Variants in KDM4C observed in about 807,000 individuals in gnomAD.
The protein encoded by KDM4C is lysine demethylase 4C, also known as lysine-specific demethylase 4C.
KDM4C carries 81 observed loss-of-function variants against 129.3 expected under a neutral mutation model. The ratio of observed to expected loss-of-function variants is 0.63; its 90% CI spans 0.52 to 0.75. The LOEUF (loss-of-function observed/expected upper bound fraction) is 0.75. Among genes scored for constraint, KDM4C ranks in the 30% least tolerant of loss-of-function variants. The pLI, the probability that KDM4C is intolerant of heterozygous loss-of-function variation, is 0.00. For synonymous variants in KDM4C, 573 were observed against 456.1 expected, an observed-to-expected ratio of 1.26 and a Z score of -3.26; for missense variants, 1,457 against 1,304.0, an observed-to-expected ratio of 1.12 and a Z score of -1.81.
intron 8 of KDM4C, among the ~76,000 whole-genome samples, chr9:6,979,862 T>C (rs188061401): frequency 1.1e-4 from 16 of 152,238 alleles, no homozygotes; most frequent in Admixed American, 9.8e-4. Flanking sequence ...ACTATGTATG[T>C]AGGAGAATAG....
chr9:7,141,867 T>C (rs1214541277), intron 19 of KDM4C, among the ~76,000 whole-genome samples: 1 of 152,154 alleles, frequency 6.6e-6, no homozygotes, highest in Non-Finnish European at 1.5e-5. Context: ...TGCCTCAATG[T>C]GAGAAGAGAC....
At chr9:7,022,224 A>G (rs576363076) in intron 15 of KDM4C, among the ~76,000 whole-genome samples, 2 of 152,194 alleles carry the variant, frequency 1.3e-5, no homozygotes, top group Non-Finnish European at 2.9e-5. Context: ...ATTGCATTGA[A>G]TCTTTAGATA....
At chr9:6,801,122 G>T (rs1316666821) in intron 2 of KDM4C, among the ~76,000 whole-genome samples, 1 of 151,608 alleles carries the variant, frequency 6.6e-6, no homozygotes, top group Non-Finnish European at 1.5e-5. Flanking sequence ...TTCTTTATCT[G>T]ATGACGCTTG....
chr9:6,899,200 A>T (rs1017967136), intron 8 of KDM4C, among the ~76,000 whole-genome samples: 4 of 152,052 alleles, frequency 2.6e-5, no homozygotes, highest in African/African-American at 7.3e-5. Flanking sequence ...GTTCACAGCA[A>T]AATTCAGAGG....
intron 4 of KDM4C, among the ~76,000 whole-genome samples, chr9:6,843,246 GA>G (rs142902996): frequency 1.5e-3 from 226 of 152,346 alleles, no homozygotes; most frequent in African/African-American, 5.2e-3. Context: ...ATGCTGTTTG[GA>G]ACAGGATGCT....
chr9:6,891,869 A>C (rs1159436538), intron 7 of KDM4C, among the ~76,000 whole-genome samples: 3 of 152,154 alleles, frequency 2.0e-5, no homozygotes, highest in Admixed American at 2.0e-4. Context: ...TAAAAAAAGA[A>C]AATAGGGGCA....
At chr9:7,070,627 G>A (rs1365943398) in intron 17 of KDM4C, among the ~76,000 whole-genome samples, 1 of 151,988 alleles carries the variant, frequency 6.6e-6, no homozygotes, top group African/African-American at 2.4e-5. Context: ...TTAATATACT[G>A]GAGAAAAAAA....
At chr9:7,162,951 T>A (rs1021006826) in intron 19 of KDM4C, among the ~76,000 whole-genome samples, 1 of 152,042 alleles carries the variant, frequency 6.6e-6, no homozygotes, top group African/African-American at 2.4e-5. Context: ...CCTTTATGAG[T>A]GATAAAGCAG....
intron 18 of KDM4C, among the ~76,000 whole-genome samples, chr9:7,124,150 C>A (rs921359921): frequency 6.6e-6 from 1 of 152,126 alleles, no homozygotes; most frequent in Non-Finnish European, 1.5e-5. Context: ...TATGTAACAC[C>A]CCCAAGATCA....
intron 8 of KDM4C, among the ~76,000 whole-genome samples, chr9:6,909,184 C>CAT (rs1818843078): frequency 6.6e-6 from 1 of 152,226 alleles, no homozygotes; most frequent in African/African-American, 2.4e-5. Flanking sequence ...TAATCAGCTA[C>CAT]ATATGGATAG....
At chr9:6,985,935 C>T (rs1351463176) in intron 10 of KDM4C, among the ~76,000 whole-genome samples, 1 of 152,232 alleles carries the variant, frequency 6.6e-6, no homozygotes, top group Non-Finnish European at 1.5e-5. Flanking sequence ...AAGTGATCCA[C>T]CTGCCTTGGC....
chr9:6,890,729 C>T (rs1280110127), intron 7 of KDM4C, among the ~76,000 whole-genome samples: 2 of 151,860 alleles, frequency 1.3e-5, no homozygotes, highest in Non-Finnish European at 2.9e-5. Context: ...TTTTCTTGTT[C>T]CAGTGGCAGC....
At chr9:6,944,842 G>A (rs899236706) in intron 8 of KDM4C, among the ~76,000 whole-genome samples, 4 of 151,686 alleles carry the variant, frequency 2.6e-5, no homozygotes, top group African/African-American at 9.7e-5. Flanking sequence ...TGTATGATCT[G>A]GTATCTTCAT....
At chr9:6,739,263 G>C (rs1002795918) in intron 1 of KDM4C, among the ~76,000 whole-genome samples, 1 of 151,722 alleles carries the variant, frequency 6.6e-6, no homozygotes, top group Admixed American at 6.6e-5. Flanking sequence ...AGTAGATATG[G>C]GGTTTCACCA....
chr9:6,905,969 C>T (rs1394609384), intron 8 of KDM4C, among the ~76,000 whole-genome samples: 6 of 151,972 alleles, frequency 3.9e-5, no homozygotes, highest in Non-Finnish European at 8.8e-5. Flanking sequence ...CTGAAAGTAT[C>T]CAGGCTTTGA....
chr9:6,825,203 A>G (rs552449696), intron 4 of KDM4C, among the ~76,000 whole-genome samples: 1 of 152,098 alleles, frequency 6.6e-6, no homozygotes, highest in Admixed American at 6.5e-5. Flanking sequence ...TCTACATTTA[A>G]TCTGTTATAA....
At chr9:6,757,540 T>A, upstream of KDM4C, 3 of 791,556 alleles carry the variant, frequency 3.8e-6, no homozygotes, top group Non-Finnish European at 1.5e-6. Context: ...AGCGCTGTCA[T>A]CGCCGGAGAG....
chr9:6,752,066 G>T (rs569904274), intron 1 of KDM4C, among the ~76,000 whole-genome samples: 2 of 150,678 alleles, frequency 1.3e-5, no homozygotes, highest in South Asian at 4.2e-4. Context: ...GGGCGCGGTG[G>T]CTCACGCCTG....
chr9:6,995,189 A>G (rs536822243), intron 12 of KDM4C, among the ~76,000 whole-genome samples: 49 of 151,846 alleles, frequency 3.2e-4, no homozygotes, highest in African/African-American at 1.2e-3. Context: ...TGTGAGGAAG[A>G]AAAGAAGAAA....
Sources: gnomAD v4.1 joint callset for allele counts (sites outside exome capture counted in the v4.1 genomes callset) on GRCh38, gnomAD v4.1.1 for gene constraint, MANE v1.5 for transcripts, NCBI Gene and HGNC (gene_info 2026-07-23, HGNC 2026-07-21) for gene names.